FBXO28: variants seen among roughly 807,000 people sequenced by gnomAD.
FBXO28 encodes the protein F-box only protein 28.
A neutral mutation model predicts 38.1 loss-of-function variants in FBXO28; 8 were observed. The ratio of observed to expected loss-of-function variants is 0.21; its 90% CI spans 0.12 to 0.38. The LOEUF (loss-of-function observed/expected upper bound fraction) is 0.38. Ranked by LOEUF, FBXO28 falls within the 10% of genes least tolerant of loss-of-function variation. The pLI, the probability that FBXO28 is intolerant of heterozygous loss-of-function variation, is 1.00. For missense variants in FBXO28, 345 were observed against 460.6 expected (o/e 0.75, Z 2.30); for synonymous variants, 168 against 173.8 (o/e 0.97, Z 0.26).
At chr1:224,124,839 T>G (rs906944699) in intron 1 of FBXO28, among the ~76,000 whole-genome samples, 4 of 152,100 alleles carry the variant, frequency 2.6e-5, no homozygotes, top group Non-Finnish European at 5.9e-5. Flanking sequence ...GCGACCCTCC[T>G]GCCTCAGCCT....
intron 1 of FBXO28, among the ~76,000 whole-genome samples, chr1:224,123,118 T>C (rs1656815618): frequency 6.6e-6 from 1 of 152,172 alleles, no homozygotes; most frequent in East Asian, 1.9e-4. Flanking sequence ...TTAAGTTCCT[T>C]TCAGTTCTGG....
chr1:224,145,225 C>T lies in FBXO28; in HGVS notation c.517-7917C>T, dbSNP rs551729803. ...AGGAGAATCGCTTGAACCAGGGAGG[C>T]AGAGGTTTCAGTGAGCTGAGATCGC... On this transcript the variant is annotated intron_variant, in intron 3 of 4. Transcript: ENST00000366862. 1.5e-3 allele frequency among the ~76,000 whole-genome samples: 189 copies of T among 126,782 alleles called. 2 individuals are homozygous for T. The highest frequency in any genetic ancestry group is 4.6e-3 in the African/African-American group (154 of 33,130). 83.2% of individuals were successfully genotyped at this position (126,782 alleles called of 152,430 possible). A position where few individuals can be genotyped will look rare whatever the true frequency, so the allele number is the denominator to read the frequency against.
intron 1 of FBXO28, among the ~76,000 whole-genome samples, chr1:224,125,375 A>C (rs928139205): frequency 2.6e-5 from 4 of 152,034 alleles, no homozygotes; most frequent in Non-Finnish European, 5.9e-5. Flanking sequence ...TCTTTTTATC[A>C]GCTTTTAATT....
chr1:224,152,275 AAC>A (rs1657665353), intron 3 of FBXO28, among the ~76,000 whole-genome samples: 1 of 152,154 alleles, frequency 6.6e-6, no homozygotes, highest in African/African-American at 2.4e-5. Flanking sequence ...TCCAATCCGT[AAC>A]AAGTCTCAGA....
chr1:224,146,684 T>C (rs1657514049), intron 3 of FBXO28, among the ~76,000 whole-genome samples: 2 of 149,550 alleles, frequency 1.3e-5, no homozygotes, highest in South Asian at 4.2e-4. Context: ...GCCTGTACTG[T>C]ACTTTTATAA....
At chr1:224,129,593 A>G (rs962613883) in intron 1 of FBXO28, among the ~76,000 whole-genome samples, 8 of 152,250 alleles carry the variant, frequency 5.3e-5, no homozygotes, top group African/African-American at 1.9e-4. Context: ...GTCTGTGACC[A>G]TAATAATGGG....
chr1:224,114,119 A>T lies in FBXO28; in HGVS notation c.-11A>T. 1 of 1,531,924 alleles carries T rather than the reference A, an allele frequency of 6.5e-7. No homozygotes were observed. Among genetic ancestry groups the T allele is most frequent in the Non-Finnish European group, 8.8e-7 (1 of 1,138,112 alleles). The allele number at this position is 1,531,924 out of a possible 1,614,324, so 94.9% of individuals were successfully genotyped here. Reference sequence around the variant, plus strand: ...CCCCTTGCTGTGGGGGTAAGGAATCAAGCCCCCAAGATGGCGGCAGCGGCG... The same window carrying T: ...CCCCTTGCTGTGGGGGTAAGGAATCTAGCCCCCAAGATGGCGGCAGCGGCG... On this transcript the variant is annotated 5_prime_UTR_variant, in exon 1 of 5. Transcript: ENST00000366862.
intron 1 of FBXO28, 85 bp from the exon 2 acceptor site, chr1:224,130,387 C>A: frequency 1.2e-6 from 1 of 840,446 alleles, no homozygotes; most frequent in African/African-American, 1.7e-5. Context: ...TAGTGGGATA[C>A]AGAGAGCTTT....
intron 1 of FBXO28, among the ~76,000 whole-genome samples, chr1:224,117,988 AATTAATTAATTAATTTATTT>A (rs1352078909): frequency 3.6e-4 from 54 of 148,018 alleles, no homozygotes; most frequent in African/African-American, 1.2e-3. Context: ...GGAGCTTTTT[AATTAATTAATTAATTTATTT>A]ATTTATTTAT....
intron 4 of FBXO28, among the ~76,000 whole-genome samples, chr1:224,156,195 A>G (rs1363010508): frequency 2.0e-5 from 3 of 152,226 alleles, no homozygotes; most frequent in Non-Finnish European, 2.9e-5. Flanking sequence ...TTCAGTAGAT[A>G]AGTTTAAAAG....
chr1:224,125,751 C>T (rs559685568), intron 1 of FBXO28, among the ~76,000 whole-genome samples: 4 of 151,694 alleles, frequency 2.6e-5, no homozygotes, highest in South Asian at 2.1e-4. Context: ...AAGCGATTCT[C>T]CTGCTTTAGG....
intron 1 of FBXO28, among the ~76,000 whole-genome samples, chr1:224,125,205 C>T (rs954841409): frequency 2.0e-5 from 3 of 151,648 alleles, no homozygotes; most frequent in Non-Finnish European, 2.9e-5. Context: ...GCCTCAAACT[C>T]CTGGGCCCAA....
chr1:224,130,396 T>G, intron 1 of FBXO28, 76 bp from the exon 2 acceptor site: 1 of 941,730 alleles, frequency 1.1e-6, no homozygotes. Flanking sequence ...ACAGAGAGCT[T>G]TAAGCCATCA....
chr1:224,142,463 TC>T (rs1415201900), intron 3 of FBXO28, among the ~76,000 whole-genome samples: 17 of 146,830 alleles, frequency 1.2e-4, no homozygotes, highest in Non-Finnish European at 4.5e-5. Context: ...AGTTTTAACT[TC>T]TTGACTTTTT....
At chr1:224,136,104 T>TTTTTTTG (rs1247285552) in intron 3 of FBXO28, among the ~76,000 whole-genome samples, 7 of 124,214 alleles carry the variant, frequency 5.6e-5, no homozygotes, top group Non-Finnish European at 8.5e-5. Flanking sequence ...GACTTCAGTT[T>TTTTTTTG]TTTTTTTTTT....
At chr1:224,114,745 CT>C (rs1055851602) in intron 1 of FBXO28, among the ~76,000 whole-genome samples, 1 of 151,296 alleles carries the variant, frequency 6.6e-6, no homozygotes, top group African/African-American at 2.4e-5. Context: ...TGTCGCCTGC[CT>C]TTTGTATGCC....
In FBXO28 at chr1:224,153,378, A is replaced by T. The variant is rs551189211; in HGVS notation, c.712+41A>T. On this transcript the variant is annotated intron_variant, in intron 4 of 4. Transcript: ENST00000366862. ...AATCATGCTTGTACATAATTTTGTA[A>T]CTTGCTTCCGGTTTTTTTCCACTTA... is the stretch of plus-strand genomic sequence containing the variant. The T allele has an allele frequency of 2.1e-6, 3 of 1,460,070 alleles. No homozygotes were observed. In the African/African-American group the frequency reaches 4.3e-5, roughly 21 times the overall value. 90.4% of individuals were successfully genotyped at this position (1,460,070 alleles called of 1,614,324 possible). A position where few individuals can be genotyped will look rare whatever the true frequency, so the allele number is the denominator to read the frequency against.
At chr1:224,146,065 T>C (rs1190541988) in intron 3 of FBXO28, among the ~76,000 whole-genome samples, 1 of 126,380 alleles carries the variant, frequency 7.9e-6, no homozygotes, top group Non-Finnish European at 1.6e-5. Flanking sequence ...AAACTCCTTC[T>C]CAAAAAAAAA....
chr1:224,155,227 G>A (rs894138174), intron 4 of FBXO28, among the ~76,000 whole-genome samples: 4 of 151,668 alleles, frequency 2.6e-5, no homozygotes, highest in Middle Eastern at 3.2e-3. Context: ...GTGCAATGGC[G>A]TGATCTCTGC....
Sources: allele counts gnomAD v4.1 joint callset (sites outside exome capture counted in the v4.1 genomes callset), GRCh38; gene constraint gnomAD v4.1.1; transcripts MANE v1.5; gene names NCBI Gene and HGNC (gene_info 2026-07-23, HGNC 2026-07-21).